Variants in SLC13A2 observed in about 807,000 individuals in gnomAD.
The protein encoded by SLC13A2 is solute carrier family 13 member 2.
In SLC13A2, 40 loss-of-function variants were observed where a neutral mutation model predicts 58.5. The observed-to-expected ratio is 0.68, with a 90% confidence interval of 0.53 to 0.89. The LOEUF (loss-of-function observed/expected upper bound fraction) is 0.89, where lower values mean the gene tolerates loss of function less well. Ranked by LOEUF, SLC13A2 falls within the 40% of genes least tolerant of loss-of-function variation. The probability of loss-of-function intolerance (pLI) is 0.00; values close to 1 mark genes in which losing one functional copy is unlikely to be tolerated. For synonymous variants in SLC13A2, 341 were observed against 331.6 expected (o/e 1.03, Z -0.31); for missense variants, 694 against 772.6 (o/e 0.90, Z 1.21).
chr17:28,476,831 C>A (rs1438863145), intron 1 of SLC13A2, among the ~76,000 whole-genome samples: 3 of 152,126 alleles, frequency 2.0e-5, no homozygotes, highest in African/African-American at 7.2e-5. Flanking sequence ...CATGCAGAAT[C>A]CCCAGTGCCT....
At position 28,493,707 on chromosome 17, in the gene SLC13A2, C is replaced by G; in HGVS notation, c.1015C>G (p.Leu339Val). 4 of 1,614,258 alleles carry G rather than the reference C, an allele frequency of 2.5e-6. 1 individual carries two copies. The South Asian group carries it at 4.4e-5, about 18-fold the overall frequency. ...GGCCATCAGCATCCTATTCGTCATCCTGGTGCTGCTCTGGTTCACCCGGGA... is the reference window on the plus strand; with the variant it reads ...GGCCATCAGCATCCTATTCGTCATCGTGGTGCTGCTCTGGTTCACCCGGGA... The part of the protein sequence containing the change: ...EKAISILFVI[L>V]VLLWFTREPG... Residue 339 changes from leucine to valine, a missense_variant, in exon 7 of 12, where the codon CTG (leucine) becomes GTG (valine). Coordinates refer to ENST00000314669, the MANE Select transcript of SLC13A2 (RefSeq NM_003984.4).
chr17:28,484,794 A>C (rs1332143739), intron 1 of SLC13A2, among the ~76,000 whole-genome samples: 5 of 152,148 alleles, frequency 3.3e-5, no homozygotes, highest in Non-Finnish European at 5.9e-5. Flanking sequence ...AACCAGCAGG[A>C]CTGGGTGCAT....
chr17:28,479,797 G>A (rs782298024), intron 1 of SLC13A2, among the ~76,000 whole-genome samples: 1 of 152,118 alleles, frequency 6.6e-6, no homozygotes, highest in Admixed American at 6.5e-5. Flanking sequence ...GTGCAGGAGG[G>A]TGGCTCGAGT....
chr17:28,490,918 G>A lies in SLC13A2; in HGVS notation c.574+12G>A. 2 of 1,606,790 alleles carry A rather than the reference G, an allele frequency of 1.2e-6. No homozygotes were observed. The highest frequency in any genetic ancestry group is 1.7e-6 in the Non-Finnish European group (2 of 1,176,364). On this transcript the variant is annotated intron_variant, in intron 4 of 11. Transcript: ENST00000314669. ...GGTGACCAAGCTTGGTGAGAAAAATGAGGCTAGACTCTGCCCCAACCCCTT... is the reference window on the plus strand; with the variant it reads ...GGTGACCAAGCTTGGTGAGAAAAATAAGGCTAGACTCTGCCCCAACCCCTT...
At chr17:28,480,999 G>A (rs993286251) in intron 1 of SLC13A2, among the ~76,000 whole-genome samples, 12 of 152,150 alleles carry the variant, frequency 7.9e-5, no homozygotes, top group African/African-American at 2.9e-4. Context: ...GGGATCCCTG[G>A]CGTAGAGTCC....
chr17:28,495,583 A>C, intron 9 of SLC13A2, 72 bp from the exon 10 acceptor site: 1 of 1,489,872 alleles, frequency 6.7e-7, no homozygotes. Context: ...CAGGAGCCTC[A>C]TAGAGCCTCG....
chr17:28,482,884 C>T (rs1274575316), intron 1 of SLC13A2, among the ~76,000 whole-genome samples: 3 of 152,206 alleles, frequency 2.0e-5, no homozygotes, highest in Non-Finnish European at 2.9e-5. Context: ...CTCCTCTGAG[C>T]GCCATTCTTC....
At chr17:28,478,585 G>A (rs1366931029) in intron 1 of SLC13A2, among the ~76,000 whole-genome samples, 2 of 152,152 alleles carry the variant, frequency 1.3e-5, no homozygotes, top group South Asian at 2.1e-4. Flanking sequence ...ACAGGTGAAT[G>A]GAACCACAGG....
At chr17:28,485,149 A>C (rs540302801) in intron 1 of SLC13A2, among the ~76,000 whole-genome samples, 1 of 152,334 alleles carries the variant, frequency 6.6e-6, no homozygotes, top group South Asian at 2.1e-4. Context: ...AGGAGGAGGC[A>C]GGGCCAGAGG....
rs148912480 is a variant in SLC13A2, at chr17:28,476,422, AC to A, written c.102+2609del. Among the ~76,000 whole-genome samples the A allele has an allele frequency of 2.9e-3, 448 of 152,038 alleles. 1 individual carries two copies. Among genetic ancestry groups the A allele is most frequent in the African/African-American group, 0.01 (427 of 41,480 alleles). ...CACCTTAATTTGAAAAAACAAACAAACAAAAAAACCCTACACTGGCTTCCTG... is the reference window on the plus strand; with the variant it reads ...CACCTTAATTTGAAAAAACAAACAAAAAAAAAACCCTACACTGGCTTCCTG... On this transcript the variant is annotated intron_variant, in intron 1 of 11. Transcript: ENST00000314669.
At position 28,477,349 on chromosome 17, in the gene SLC13A2, A is replaced by G. The variant is rs574105361; in HGVS notation, c.102+3535A>G. Among the ~76,000 whole-genome samples the G allele has an allele frequency of 7.2e-4, 109 of 151,178 alleles. 1 individual carries two copies. The highest frequency in any genetic ancestry group is 2.3e-3 in the Admixed American group (35 of 15,256). On this transcript the variant is annotated intron_variant, in intron 1 of 11. Coordinates refer to ENST00000314669, the MANE Select transcript of SLC13A2 (RefSeq NM_003984.4). ...GCTGGGACTACAGTCACCTGCCACCACGCCCGGCTAATTTTTTTGTATTTT... is the reference window on the plus strand; with the variant it reads ...GCTGGGACTACAGTCACCTGCCACCGCGCCCGGCTAATTTTTTTGTATTTT...
At chr17:28,481,266 C>T (rs1235495356) in intron 1 of SLC13A2, among the ~76,000 whole-genome samples, 2 of 152,218 alleles carry the variant, frequency 1.3e-5, no homozygotes, top group Admixed American at 1.3e-4. Flanking sequence ...TTTGTTTTCT[C>T]CAGCACTCAA....
At chr17:28,477,609 T>C (rs1450253564) in intron 1 of SLC13A2, among the ~76,000 whole-genome samples, 3 of 152,244 alleles carry the variant, frequency 2.0e-5, no homozygotes, top group African/African-American at 7.2e-5. Flanking sequence ...CCCATGGCCC[T>C]GGCCTCCAAA....
chr17:28,489,321 G>A lies in SLC13A2; in HGVS notation c.210G>A (p.Met70Ile), dbSNP rs1287422054. 6.2e-7 allele frequency: 1 copy of A among 1,611,402 alleles called. No homozygotes were observed. The highest frequency in any genetic ancestry group is 1.1e-5 in the South Asian group (1 of 90,852). The change falls in exon 2 of 12, where the codon ATG becomes ATA. Residue 70 changes from methionine (M) to isoleucine (I), a missense_variant. By Grantham distance (10) the Met-to-Ile change is conservative. Coordinates refer to ENST00000314669, the MANE Select transcript of SLC13A2 (RefSeq NM_003984.4). Reference protein sequence around the residue: ...ALFPLILFPMMGIVDASEVAV... With the variant: ...ALFPLILFPMIGIVDASEVAV... ...TCCCCTTAATCCTGTTCCCTATGAT[G>A]GGCATCGTGGATGCCTCTGAGGTGA...
Position 28,494,528 on chromosome 17 carries a change from C to T in SLC13A2, c.1308+16C>T, listed in dbSNP as rs1555604270. ...GGGCAGTGAGGTGAGAGGCCCCCAG[C>T]CCCCTCCTCAGCCTGTGTGAGGGTG... is the stretch of plus-strand genomic sequence containing the variant. On this transcript the variant is annotated intron_variant, in intron 9 of 11. Transcript: ENST00000314669. This position sits in a 1 kb window ranked among gnomAD's most constrained non-coding sequence, Gnocchi z 4.0. The T allele has an allele frequency of 6.2e-7, 1 of 1,613,664 alleles. No individual in the cohort carries two copies. The highest frequency in any genetic ancestry group is 8.5e-7 in the Non-Finnish European group (1 of 1,179,766).
At chr17:28,492,105 A>G (rs1440598088) in intron 6 of SLC13A2, among the ~76,000 whole-genome samples, 1 of 152,112 alleles carries the variant, frequency 6.6e-6, no homozygotes, top group African/African-American at 2.4e-5. Context: ...TGGGGCTGCA[A>G]ACCAGGTCAC....
chr17:28,496,465 C>T lies in SLC13A2; in HGVS notation c.1486C>T (p.Leu496Phe). ...CCCACTCCAGGCCCAGGCCATCTGC[C>T]TCCACCCTCTCTACGTCATGCTCCC... ...ILASMAQAIC[L>F]HPLYVMLPCT... is the part of the protein sequence containing the mutation. The change falls in exon 11 of 12, where the codon CTC (leucine) becomes TTC (phenylalanine). Residue 496 changes from leucine (L) to phenylalanine (F), a missense_variant. Physicochemically the swap from Leu to Phe is conservative, Grantham distance 22. Coordinates refer to ENST00000314669, the MANE Select transcript of SLC13A2 (RefSeq NM_003984.4). The surrounding 1 kb of genome is among the most constrained non-coding windows in gnomAD (Gnocchi z 4.2). The T allele has an allele frequency of 1.2e-6, 2 of 1,607,784 alleles. No individual in the cohort carries two copies. Among genetic ancestry groups the T allele is most frequent in the Non-Finnish European group, 1.7e-6 (2 of 1,175,688 alleles).
At chr17:28,489,179 C>T (rs782445110) in intron 1 of SLC13A2, 35 bp from the exon 2 acceptor site, 69 of 1,608,496 alleles carry the variant, frequency 4.3e-5, no homozygotes, top group Non-Finnish European at 5.7e-5. Flanking sequence ...GACACAGGCC[C>T]TCTGACAGCT....
At chr17:28,491,980 C>G in intron 6 of SLC13A2, 128 bp downstream of exon 6, 1 of 1,338,294 alleles carries the variant, frequency 7.5e-7, no homozygotes, top group Non-Finnish European at 1.0e-6. Flanking sequence ...TCCCAAAGCC[C>G]CTCTGTGCAC....
Sources: gnomAD v4.1 joint callset for allele counts (sites outside exome capture counted in the v4.1 genomes callset) on GRCh38, gnomAD v4.1.1 for gene constraint, Gnocchi (gnomAD v3.1) non-coding constraint, MANE v1.5 for transcripts, NCBI Gene and HGNC (gene_info 2026-07-23, HGNC 2026-07-21) for gene names.